THSD7B: variants seen among roughly 807,000 people sequenced by gnomAD.
THSD7B encodes the protein thrombospondin type-1 domain-containing protein 7B.
A neutral mutation model predicts 213.6 loss-of-function variants in THSD7B; 138 were observed. The observed-to-expected ratio is 0.65, with a 90% CI of 0.56 to 0.74. The LOEUF is 0.74. Among genes scored for constraint, THSD7B ranks in the 30% least tolerant of loss-of-function variants. THSD7B has a pLI of 0.00. For synonymous variants in THSD7B, 742 were observed against 687.0 expected, an observed-to-expected ratio of 1.08 and a Z score of -1.25; for missense variants, 1,931 against 1,991.5, an observed-to-expected ratio of 0.97 and a Z score of 0.58.
At chr2:136,982,723 A>T (rs1003360447) in intron 2 of THSD7B, among the ~76,000 whole-genome samples, 1 of 152,128 alleles carries the variant, frequency 6.6e-6, no homozygotes, top group African/African-American at 2.4e-5. Context: ...CAACTCTAAG[A>T]TACTTTTAAG....
chr2:137,663,019 T>G (rs1318659900), intron 25 of THSD7B, among the ~76,000 whole-genome samples: 2 of 151,352 alleles, frequency 1.3e-5, no homozygotes, highest in Non-Finnish European at 2.9e-5. Context: ...GAGCTGAGAT[T>G]GTGCCATTGT....
chr2:137,413,208 G>C (rs943172270), intron 14 of THSD7B, among the ~76,000 whole-genome samples: 6 of 152,066 alleles, frequency 3.9e-5, no homozygotes, highest in African/African-American at 1.4e-4. Context: ...TTGACTTTCA[G>C]AAACATTAAA....
intron 3 of THSD7B, among the ~76,000 whole-genome samples, chr2:137,082,406 G>C (rs7578564): frequency 6.6e-6 from 1 of 152,128 alleles, no homozygotes; most frequent in Admixed American, 6.5e-5. Flanking sequence ...GTAGTGCTGA[G>C]AGGGGAATAT....
At chr2:137,241,874 A>C (rs1437537275) in intron 9 of THSD7B, among the ~76,000 whole-genome samples, 2 of 150,976 alleles carry the variant, frequency 1.3e-5, no homozygotes, top group East Asian at 2.0e-4. Context: ...GTGCCACTGC[A>C]CTCCAGGCTA....
chr2:136,838,306 T>C (rs1682873406), intron 1 of THSD7B, among the ~76,000 whole-genome samples: 1 of 152,176 alleles, frequency 6.6e-6, no homozygotes, highest in Admixed American at 6.5e-5. Context: ...GAGAGTTTGC[T>C]TGGCTATTCT....
At chr2:136,922,116 T>G (rs1456927542) in intron 2 of THSD7B, among the ~76,000 whole-genome samples, 1 of 152,206 alleles carries the variant, frequency 6.6e-6, no homozygotes. Flanking sequence ...CCTTCTCTGG[T>G]GGATATGAGC....
intron 14 of THSD7B, among the ~76,000 whole-genome samples, chr2:137,449,096 T>TC (rs1558800469): frequency 7.6e-4 from 116 of 151,680 alleles, no homozygotes; most frequent in Middle Eastern, 3.4e-3. Context: ...ATGATCTTTT[T>TC]TCCCCCCCTC....
intron 10 of THSD7B, among the ~76,000 whole-genome samples, chr2:137,271,391 T>TA (rs201461969): frequency 0.11 from 14,729 of 140,024 alleles, 1,454 homozygotes; most frequent in East Asian, 0.47. Flanking sequence ...ATATATATTA[T>TA]GAATTATATA....
Position 137,592,323 on chromosome 2 carries a change from G to A in THSD7B, c.3423+19767G>A, listed in dbSNP as rs921264906. Among the ~76,000 whole-genome samples the A allele has an allele frequency of 2.6e-5, 4 of 151,620 alleles. No homozygotes were observed. The East Asian group carries it at 7.7e-4, about 29-fold the overall frequency. On this transcript the variant is annotated intron_variant, in intron 17 of 27. Coordinates refer to ENST00000409968, the MANE Select transcript of THSD7B (RefSeq NM_001316349.2). ...ATAACCTAAAATTATAGATCTAGAT[G>A]ATTATTTTCATCAGTTTCTGTATTT...
At chr2:137,256,382 T>C (rs1027533107) in intron 10 of THSD7B, among the ~76,000 whole-genome samples, 1 of 151,820 alleles carries the variant, frequency 6.6e-6, no homozygotes, top group Non-Finnish European at 1.5e-5. Context: ...AAGAAGGGAG[T>C]CCTGTGATTG....
intron 12 of THSD7B, among the ~76,000 whole-genome samples, chr2:137,326,365 G>A (rs754407633): frequency 6.6e-5 from 10 of 152,038 alleles, no homozygotes; most frequent in African/African-American, 1.7e-4. Context: ...TAATTTCTTC[G>A]CCATTCCTCC....
chr2:137,001,045 G>A (rs1252656613), intron 2 of THSD7B, among the ~76,000 whole-genome samples: 3 of 152,090 alleles, frequency 2.0e-5, no homozygotes, highest in Admixed American at 1.3e-4. Flanking sequence ...ATAAGAGGCT[G>A]AAGGTTTTAA....
At chr2:137,067,317 G>T (rs1234520609) in intron 3 of THSD7B, among the ~76,000 whole-genome samples, 3 of 152,196 alleles carry the variant, frequency 2.0e-5, no homozygotes, top group African/African-American at 7.2e-5. Context: ...TTAGTGTGAG[G>T]TTGTTATATT....
intron 17 of THSD7B, among the ~76,000 whole-genome samples, chr2:137,577,570 G>C (rs1681489591): frequency 6.6e-6 from 1 of 151,798 alleles, no homozygotes; most frequent in African/African-American, 2.4e-5. Context: ...AAAACATTAT[G>C]ATGGGCCCTA....
At chr2:137,558,872 G>A (rs1253860734) in intron 15 of THSD7B, among the ~76,000 whole-genome samples, 17 of 152,242 alleles carry the variant, frequency 1.1e-4, no homozygotes, top group Middle Eastern at 3.4e-3. Flanking sequence ...AAAGTCTCAG[G>A]ATACAAAATC....
At chr2:137,141,029 T>C (rs1365779312) in intron 5 of THSD7B, among the ~76,000 whole-genome samples, 1 of 152,132 alleles carries the variant, frequency 6.6e-6, no homozygotes, top group Non-Finnish European at 1.5e-5. Flanking sequence ...GCAGAGGACT[T>C]AACAAGTGCA....
At chr2:137,299,887 A>C (rs926557644) in intron 12 of THSD7B, among the ~76,000 whole-genome samples, 1 of 152,118 alleles carries the variant, frequency 6.6e-6, no homozygotes, top group Non-Finnish European at 1.5e-5. Context: ...TATATTTTTG[A>C]GAAATTGCTT....
intron 1 of THSD7B, among the ~76,000 whole-genome samples, chr2:136,802,399 A>G (rs546969459): frequency 1.3e-5 from 2 of 151,836 alleles, no homozygotes; most frequent in Non-Finnish European, 2.9e-5. Context: ...TTTTGGCCAA[A>G]GACCTGAATT....
chr2:137,299,653 G>T (rs1044957971), intron 12 of THSD7B, among the ~76,000 whole-genome samples: 1 of 151,930 alleles, frequency 6.6e-6, no homozygotes, highest in African/African-American at 2.4e-5. Context: ...AAGATGTAGG[G>T]AATATTTGTA....
Sources: gnomAD v4.1 joint callset for allele counts (sites outside exome capture counted in the v4.1 genomes callset) on GRCh38, gnomAD v4.1.1 for gene constraint, MANE v1.5 for transcripts, NCBI Gene and HGNC (gene_info 2026-07-23, HGNC 2026-07-21) for gene names.